TJP2: variants seen among roughly 807,000 people sequenced by gnomAD.
TJP2 encodes tight junction protein 2.
A neutral mutation model predicts 133.1 loss-of-function variants in TJP2; 91 were observed. The observed-to-expected ratio is 0.68, with a 90% confidence interval of 0.58 to 0.81. TJP2 has a LOEUF of 0.81. Among genes scored for constraint, TJP2 ranks in the 40% least tolerant of loss-of-function variants. TJP2 has a pLI of 0.00. For synonymous variants in TJP2, 592 were observed against 583.4 expected (o/e 1.01, Z -0.21); for missense variants, 1,541 against 1,565.6 (o/e 0.98, Z 0.26).
intron 17 of TJP2, among the ~76,000 whole-genome samples, chr9:69,244,249 G>A (rs1830773677): frequency 6.7e-6 from 1 of 149,450 alleles, no homozygotes; most frequent in Non-Finnish European, 1.5e-5. Context: ...GAGTTGTACA[G>A]CTGTCATCAC....
At chr9:69,230,270 T>G in intron 11 of TJP2, 38 bp downstream of exon 11, 1 of 1,613,240 alleles carries the variant, frequency 6.2e-7, no homozygotes, top group Non-Finnish European at 8.5e-7. Context: ...AAGTTACTTG[T>G]AAGGAGTGCA....
intron 14 of TJP2, 151 bp downstream of exon 14, chr9:69,237,287 C>T: frequency 1.0e-6 from 1 of 995,778 alleles, no homozygotes; most frequent in Non-Finnish European, 1.6e-6. Flanking sequence ...TAACAAGGAG[C>T]ATGATTTATA....
At chr9:69,141,413 C>T (rs1587896031) in intron 1 of TJP2, among the ~76,000 whole-genome samples, 1 of 152,236 alleles carries the variant, frequency 6.6e-6, no homozygotes, top group East Asian at 1.9e-4. Flanking sequence ...GTGTTTTCCA[C>T]CGCCCACTCC....
intron 7 of TJP2, among the ~76,000 whole-genome samples, chr9:69,226,744 G>A (rs898929252): frequency 1.3e-5 from 2 of 152,164 alleles, no homozygotes; most frequent in Non-Finnish European, 2.9e-5. Flanking sequence ...TGATCTGCCC[G>A]TCTTGTCCTC....
intron 12 of TJP2, among the ~76,000 whole-genome samples, chr9:69,235,494 T>G (rs926337088): frequency 2.0e-5 from 3 of 151,824 alleles, no homozygotes; most frequent in African/African-American, 7.3e-5. Context: ...GGCTAATTTT[T>G]TGTATTTTTA....
intron 1 of TJP2, among the ~76,000 whole-genome samples, chr9:69,128,676 C>G (rs1380313617): frequency 2.6e-5 from 4 of 152,110 alleles, no homozygotes; most frequent in Admixed American, 2.6e-4. Context: ...GCGCCCAACA[C>G]CACGCCCGGC....
intron 5 of TJP2, among the ~76,000 whole-genome samples, chr9:69,222,087 G>C (rs979277935): frequency 1.3e-5 from 2 of 151,706 alleles, no homozygotes; most frequent in African/African-American, 4.8e-5. Flanking sequence ...GGCCAGGCTG[G>C]TCTTGAACTT....
rs141740202 is a variant in TJP2, at chr9:69,139,851, C to T, written c.-130-11800C>T. 6.3e-3 allele frequency among the ~76,000 whole-genome samples: 958 copies of T among 152,264 alleles called. 9 individuals are homozygous for T. The highest frequency in any genetic ancestry group is 0.022 in the African/African-American group (906 of 41,544). ...AGCTCTGTAGCAGGACAAAGTTCCT[C>T]CATAGGGCCCTATACTGCCACAGAG... On this transcript the variant is annotated intron_variant, in intron 1 of 5. Coordinates refer to the TJP2 transcript ENST00000423935.
At chr9:69,160,070 A>C (rs1429436507) in intron 2 of TJP2, among the ~76,000 whole-genome samples, 1 of 152,040 alleles carries the variant, frequency 6.6e-6, no homozygotes, top group African/African-American at 2.4e-5. Context: ...GAAGATATGT[A>C]AAAAATAAAG....
chr9:69,251,385 C>T lies in TJP2; in HGVS notation c.3321+21C>T, dbSNP rs753880521. ...CAAGGGTAATTGTTTTTAAACTACA[C>T]ATCATCAATAAGAGTTTTAAATAAG... On this transcript the variant is annotated intron_variant, in intron 21 of 22. Transcript: ENST00000377245. 6 of 1,604,754 alleles carry T rather than the reference C, an allele frequency of 3.7e-6. No individual in the cohort carries two copies. In the Admixed American group the frequency reaches 1.0e-4, roughly 27 times the overall value.
chr9:69,148,053 T>C (rs1297308240), intron 1 of TJP2, among the ~76,000 whole-genome samples: 1 of 151,596 alleles, frequency 6.6e-6, no homozygotes, highest in Non-Finnish European at 1.5e-5. Flanking sequence ...GCCTCCCGAG[T>C]AGCTTGGATT....
chr9:69,200,230 T>C (rs1245416098), intron 1 of TJP2, among the ~76,000 whole-genome samples: 1 of 152,074 alleles, frequency 6.6e-6, no homozygotes, highest in African/African-American at 2.4e-5. Context: ...GTTCCCTCTA[T>C]GCAGAATGCC....
At chr9:69,128,788 A>C (rs1383950691) in intron 1 of TJP2, among the ~76,000 whole-genome samples, 1 of 152,156 alleles carries the variant, frequency 6.6e-6, no homozygotes, top group African/African-American at 2.4e-5. Flanking sequence ...GGCCTCCCAA[A>C]GTCCTGGGAT....
At chr9:69,253,083 A>C in intron 22 of TJP2, 183 bp downstream of exon 22, 1 of 635,608 alleles carries the variant, frequency 1.6e-6, no homozygotes, top group Non-Finnish European at 2.8e-6. Context: ...AAACTTAAGC[A>C]TAGTTTGCTT....
intron 1 of TJP2, among the ~76,000 whole-genome samples, chr9:69,181,240 C>CTTTTT (rs149100552): frequency 2.7e-5 from 2 of 73,186 alleles, no homozygotes; most frequent in South Asian, 6.4e-4. Flanking sequence ...TTTGCAATTT[C>CTTTTT]TTTTTTTTTT....
At chr9:69,163,519 C>A (rs1824196030) in intron 2 of TJP2, among the ~76,000 whole-genome samples, 2 of 151,906 alleles carry the variant, frequency 1.3e-5, no homozygotes, top group Non-Finnish European at 2.9e-5. Flanking sequence ...GCCTATGTTC[C>A]CAGTTACTTG....
Position 69,225,551 on chromosome 9 carries a change from A to AT in TJP2, c.1056+149dup, listed in dbSNP as rs1419983547. On this transcript the variant is annotated intron_variant, in intron 6 of 22. Coordinates refer to ENST00000377245, the MANE Select transcript of TJP2 (RefSeq NM_004817.4). ...GTGGCAAGAGCAGCATAATGAGACG[A>AT]TTTTTATCAGAAAAACCAGACATTG... 4.5e-6 allele frequency: 3 copies of AT among 667,686 alleles called. No individual in the cohort carries two copies. The African/African-American group carries it at 5.4e-5, about 12-fold the overall frequency. 41.4% of individuals were successfully genotyped at this position (667,686 alleles called of 1,614,324 possible).
At position 69,254,366 on chromosome 9, in the gene TJP2, G is replaced by C; in HGVS notation, c.3565G>C (p.Glu1189Gln). 6.2e-7 allele frequency: 1 copy of C among 1,614,190 alleles called. No individual in the cohort carries two copies. Among genetic ancestry groups the C allele is most frequent in the Non-Finnish European group, 8.5e-7 (1 of 1,180,046 alleles). ...CCAGTCTGCCCGATACCGGGACACA[G>C]AATTATAGATGTCTGAGCACGGACT... ...YGQSARYRDT[E>Q]L is the part of the protein sequence containing the mutation. The change falls in exon 23 of 23, where the codon GAA becomes CAA. Residue 1189 changes from glutamate to glutamine, a missense_variant. By Grantham distance (29) the Glu-to-Gln change is conservative. Transcript: ENST00000377245.
chr9:69,160,131 A>C (rs13289984), intron 2 of TJP2, among the ~76,000 whole-genome samples: 64,527 of 151,812 alleles, frequency 0.43, 13,978 homozygotes, highest in East Asian at 0.63. Context: ...TAATAGAAAA[A>C]CACTCTGCTT....
Sources: allele counts gnomAD v4.1 joint callset (sites outside exome capture counted in the v4.1 genomes callset), GRCh38; gene constraint gnomAD v4.1.1; transcripts MANE v1.5; gene names NCBI Gene and HGNC (gene_info 2026-07-23, HGNC 2026-07-21).